Variants in DYNLRB1 observed in about 807,000 individuals in gnomAD.
DYNLRB1 encodes ROBL/LC7-like 1.
Under a neutral mutation model 13.5 loss-of-function variants are expected in DYNLRB1, and 6 were observed. The observed-to-expected ratio is 0.44, with a 90% CI of 0.24 to 0.88. DYNLRB1 has a LOEUF of 0.88. Ranked by LOEUF, DYNLRB1 falls within the 40% of genes least tolerant of loss-of-function variation. DYNLRB1 has a pLI of 0.21. For synonymous variants in DYNLRB1, 43 were observed against 45.0 expected, an observed-to-expected ratio of 0.96 and a Z score of 0.18; for missense variants, 93 against 127.2, an observed-to-expected ratio of 0.73 and a Z score of 1.29.
intron 1 of DYNLRB1, among the ~76,000 whole-genome samples, chr20:34,525,704 A>G (rs1980142388): frequency 6.6e-6 from 1 of 152,200 alleles, no homozygotes; most frequent in Non-Finnish European, 1.5e-5. Context: ...TACAGATGCC[A>G]TATGCAAGAG....
intron 2 of DYNLRB1, chr20:34,530,036 G>A (rs1980589273): frequency 8.0e-7 from 1 of 1,251,842 alleles, no homozygotes; most frequent in Non-Finnish European, 1.0e-6. Context: ...AAAGACTTTT[G>A]TCACTAAGAG....
chr20:34,524,758 C>T (rs1437580991), intron 1 of DYNLRB1, among the ~76,000 whole-genome samples: 1 of 151,564 alleles, frequency 6.6e-6, no homozygotes, highest in Non-Finnish European at 1.5e-5. Context: ...AATGGAGTCC[C>T]AGTCGCCCAT....
chr20:34,535,673 G>A (rs1444629763), intron 3 of DYNLRB1: 14 of 985,216 alleles, frequency 1.4e-5, no homozygotes, highest in East Asian at 1.1e-4. Flanking sequence ...TCACGTATGC[G>A]CGTGATGGTG....
At chr20:34,521,451 TTTTA>T (rs1040045058) in intron 1 of DYNLRB1, among the ~76,000 whole-genome samples, 4 of 152,224 alleles carry the variant, frequency 2.6e-5, no homozygotes, top group African/African-American at 4.8e-5. Flanking sequence ...TGTGTTTTTT[TTTTA>T]TTTATTTTGT....
intron 1 of DYNLRB1, among the ~76,000 whole-genome samples, chr20:34,522,448 C>A (rs143574855): frequency 1.7e-5 from 2 of 121,122 alleles, no homozygotes; most frequent in East Asian, 4.6e-4. Context: ...TTTCTTTTTT[C>A]TTTCTTTCTT....
chr20:34,530,376 C>G, intron 2 of DYNLRB1: 1 of 771,104 alleles, frequency 1.3e-6, no homozygotes, highest in Non-Finnish European at 1.6e-6. Flanking sequence ...GCCACTTTCT[C>G]TGTTAAGTTT....
At chr20:34,518,773 A>G (rs1286977072) in intron 1 of DYNLRB1, among the ~76,000 whole-genome samples, 1 of 152,050 alleles carries the variant, frequency 6.6e-6, no homozygotes, top group Non-Finnish European at 1.5e-5. Flanking sequence ...TTATGCATCT[A>G]TACAAGCACT....
Position 34,519,634 on chromosome 20 carries a change from T to TTTCC in DYNLRB1, c.3+3175_3+3176insCCTT, listed in dbSNP as rs769511345. Among the ~76,000 whole-genome samples, 9 of 152,352 alleles carry TTTCC rather than the reference T, an allele frequency of 5.9e-5. No individual in the cohort carries two copies. The East Asian group carries it at 1.7e-3, about 29-fold the overall frequency. On this transcript the variant is annotated intron_variant, in intron 1 of 3. Transcript: ENST00000357156. ...TTATATGCAGGTCCACTTCATTCTTTTTAAGGTCTGTATCGTATCCTAGTC... is the reference window on the plus strand; with the variant it reads ...TTATATGCAGGTCCACTTCATTCTTTTTCCTTAAGGTCTGTATCGTATCCTAGTC...
chr20:34,517,894 C>T (rs994229779), intron 1 of DYNLRB1, among the ~76,000 whole-genome samples: 2 of 152,118 alleles, frequency 1.3e-5, no homozygotes, highest in Non-Finnish European at 2.9e-5. Context: ...GCCTCAGCCT[C>T]CCAAAGTGCT....
rs568124594 is a variant in DYNLRB1 at position 34,535,126 on chromosome 20, G to A, written c.247+331G>A. ...TGGCCAGGCCTGTCTGGGGCTGTCTGCAAAAGCTTCCCAGAAGAGGGGACA... is the reference window on the plus strand; with the variant it reads ...TGGCCAGGCCTGTCTGGGGCTGTCTACAAAAGCTTCCCAGAAGAGGGGACA... On this transcript the variant is annotated intron_variant, in intron 3 of 3. Transcript: ENST00000357156. The A allele has an allele frequency of 4.1e-6, 4 of 984,928 alleles. No individual in the cohort carries two copies. In the African/African-American group the frequency reaches 5.2e-5, roughly 13 times the overall value. 61.0% of individuals were successfully genotyped at this position (984,928 alleles called of 1,614,324 possible).
intron 1 of DYNLRB1, among the ~76,000 whole-genome samples, chr20:34,520,917 G>T (rs1269631444): frequency 6.6e-6 from 1 of 152,174 alleles, no homozygotes; most frequent in Non-Finnish European, 1.5e-5. Flanking sequence ...GCAATATATT[G>T]TCCTGTAGCT....
In DYNLRB1 at chr20:34,516,626, C is replaced by CGGA. The variant is rs1346515561; in HGVS notation, c.3+168_3+170dup. 5 of 1,489,110 alleles carry CGGA rather than the reference C, an allele frequency of 3.4e-6. No individual in the cohort carries two copies. In the African/African-American group the frequency reaches 5.7e-5, roughly 17 times the overall value. The allele number at this position is 1,489,110 out of a possible 1,614,324, so 92.2% of individuals were successfully genotyped here. On this transcript the variant is annotated intron_variant, in intron 1 of 3. Transcript: ENST00000357156. The stretch of plus-strand genomic sequence containing the variant: ...CCGACTTGAGGGTGGAACCCGGCGG[C>CGGA]GGAGGCCTCTAAAGCCTGACCGAGG...
Position 34,518,696 on chromosome 20 carries a change from C to A in DYNLRB1, c.3+2235C>A, listed in dbSNP as rs1286081254. ...CTTGAACTCCTGGGCTCAAGTGATT[C>A]ACCCACGTTGGCCTCCCAAAGTGTT... On this transcript the variant is annotated intron_variant, in intron 1 of 3. Transcript: ENST00000357156. Among the ~76,000 whole-genome samples the A allele has an allele frequency of 2.0e-5, 3 of 151,530 alleles. No individual in the cohort carries two copies. In the East Asian group the frequency reaches 5.8e-4, roughly 29 times the overall value.
chr20:34,526,404 G>A, intron 2 of DYNLRB1, 61 bp downstream of exon 2: 4 of 1,545,576 alleles, frequency 2.6e-6, no homozygotes, highest in Non-Finnish European at 1.8e-6. Context: ...CCATAACACA[G>A]CATAGCACTT....
rs188459601 is a variant in DYNLRB1, at chr20:34,516,962, T to A, written c.3+501T>A. 7.5e-6 allele frequency: 10 copies of A among 1,337,284 alleles called. No homozygotes were observed. The African/African-American group carries it at 1.2e-4, about 16-fold the overall frequency. The allele number at this position is 1,337,284 out of a possible 1,614,324, so 82.8% of individuals were successfully genotyped here. A position where few individuals can be genotyped will look rare whatever the true frequency, so the allele number is the denominator to read the frequency against. ...CCAAGTGCTTTGCCCCAGGAAATAG[T>A]GGAGATGGATTTGAACCCTAGAAGC... On this transcript the variant is annotated intron_variant, in intron 1 of 3. Transcript: ENST00000357156.
chr20:34,534,691 G>C lies in DYNLRB1; in HGVS notation c.143G>C (p.Ser48Thr). Residue 48 changes from serine to threonine, a missense_variant, in exon 3 of 4, where the codon AGC (serine) becomes ACC (threonine). By Grantham distance (58) the Ser-to-Thr change is moderately conservative (BLOSUM62 1). Transcript: ENST00000357156. ...TTTQYASLMH[S>T]FILKARSTVR... ...ACCCAGTATGCCAGCCTCATGCACAGCTTCATCCTGAAGGCACGGAGCACC... is the reference window on the plus strand; with the variant it reads ...ACCCAGTATGCCAGCCTCATGCACACCTTCATCCTGAAGGCACGGAGCACC... 1 of 1,606,578 alleles carries C rather than the reference G, an allele frequency of 6.2e-7. No homozygotes were observed. The highest frequency in any genetic ancestry group is 8.5e-7 in the Non-Finnish European group (1 of 1,175,728).
intron 1 of DYNLRB1, among the ~76,000 whole-genome samples, chr20:34,522,368 G>A (rs937395336): frequency 1.3e-5 from 2 of 151,980 alleles, no homozygotes; most frequent in African/African-American, 4.8e-5. Flanking sequence ...ACCCATAGTA[G>A]GCGCTGAGTA....
chr20:34,526,528 A>G, intron 2 of DYNLRB1, 185 bp downstream of exon 2: 1 of 557,800 alleles, frequency 1.8e-6, no homozygotes, highest in South Asian at 2.3e-5. Context: ...AGTCAGGTGA[A>G]GCAGCGGGAG....
At chr20:34,529,038 C>T (rs1469254098) in intron 2 of DYNLRB1, among the ~76,000 whole-genome samples, 1 of 152,050 alleles carries the variant, frequency 6.6e-6, no homozygotes, top group Non-Finnish European at 1.5e-5. Context: ...CAGTGCCCAG[C>T]CCAGGGGCTG....
Sources: allele counts gnomAD v4.1 joint callset (sites outside exome capture counted in the v4.1 genomes callset), GRCh38; gene constraint gnomAD v4.1.1; transcripts MANE v1.5; gene names NCBI Gene and HGNC (gene_info 2026-07-23, HGNC 2026-07-21).